The following PSMD14 variants were observed in gnomAD, a reference collection of about 807,000 sequenced individuals.
PSMD14 encodes the protein proteasome 26S subunit, non-ATPase 14, also known as ubiquitin C-terminal hydrolase PSMD14.
Under a neutral mutation model 41.2 loss-of-function variants are expected in PSMD14, and 7 were observed. That is an observed-to-expected ratio of 0.17 (90% CI 0.10 to 0.32). PSMD14 has a LOEUF of 0.32. PSMD14 is among the 10% of genes least tolerant of loss of function. The pLI is 1.00. For synonymous variants in PSMD14, 114 were observed against 122.3 expected (o/e 0.93, Z 0.45); for missense variants, 139 against 375.6 (o/e 0.37, Z 5.21).
At chr2:161,367,613 T>G in intron 4 of PSMD14, 64 bp downstream of exon 4, 5 of 1,461,814 alleles carry the variant, frequency 3.4e-6, no homozygotes, top group Non-Finnish European at 4.7e-6. Context: ...TCTTTTACTT[T>G]GGAATATTTG....
intron 3 of PSMD14, among the ~76,000 whole-genome samples, chr2:161,355,635 T>C (rs562124456): frequency 6.6e-6 from 1 of 152,318 alleles, no homozygotes; most frequent in South Asian, 2.1e-4. Flanking sequence ...TTGGACTTTT[T>C]TGGCAACCAA....
At position 161,373,710 on chromosome 2, in the gene PSMD14, C is replaced by A. The variant is rs189996268; in HGVS notation, c.462+2388C>A. ...AAATGATTTAAGTTGGGTCTCTGTT[C>A]GCTTTTTATAAAACCACTTTCTTGA... On this transcript the variant is annotated intron_variant, in intron 7 of 11. Coordinates refer to ENST00000409682, the MANE Select transcript of PSMD14 (RefSeq NM_005805.6). Among the ~76,000 whole-genome samples, 5 of 151,898 alleles carry A rather than the reference C, an allele frequency of 3.3e-5. No homozygotes were observed. In the East Asian group the frequency reaches 7.7e-4, roughly 24 times the overall value.
intron 10 of PSMD14, 43 bp from the exon 11 acceptor site, chr2:161,408,793 AG>A: frequency 6.8e-7 from 1 of 1,462,372 alleles, no homozygotes; most frequent in South Asian, 1.2e-5. Context: ...GTGGGAATAG[AG>A]GATTTATAAT....
intron 6 of PSMD14, 48 bp from the exon 7 acceptor site, chr2:161,371,124 T>C: frequency 6.4e-7 from 1 of 1,569,574 alleles, no homozygotes; most frequent in Non-Finnish European, 8.7e-7. Flanking sequence ...ATATCATAAA[T>C]GTATTACTTG....
intron 3 of PSMD14, among the ~76,000 whole-genome samples, chr2:161,358,515 C>G (rs1683237959): frequency 6.6e-6 from 1 of 152,178 alleles, no homozygotes; most frequent in Non-Finnish European, 1.5e-5. Context: ...CGCTAGGTAG[C>G]TCCTCCCAAT....
intron 3 of PSMD14, among the ~76,000 whole-genome samples, chr2:161,359,520 G>T (rs1028533149): frequency 6.6e-6 from 1 of 151,556 alleles, no homozygotes; most frequent in Admixed American, 6.6e-5. Flanking sequence ...AATTGGACTT[G>T]GAAAAAGGCA....
At chr2:161,378,956 C>T (rs1051738165) in intron 7 of PSMD14, among the ~76,000 whole-genome samples, 1 of 151,886 alleles carries the variant, frequency 6.6e-6, no homozygotes, top group Non-Finnish European at 1.5e-5. Flanking sequence ...ATGCCTTTGC[C>T]TATTGAGAGA....
At chr2:161,318,015 T>G (rs543282359) in intron 2 of PSMD14, among the ~76,000 whole-genome samples, 62 of 152,306 alleles carry the variant, frequency 4.1e-4, no homozygotes, top group African/African-American at 1.4e-3. Context: ...TAACTTCTTC[T>G]GTGAGGTTTT....
At chr2:161,340,978 C>G (rs1682947207) in intron 3 of PSMD14, 1 of 1,612,588 alleles carries the variant, frequency 6.2e-7, no homozygotes, top group South Asian at 1.1e-5. Context: ...AAGTCCTGCT[C>G]CTCTTCCTGC....
intron 3 of PSMD14, among the ~76,000 whole-genome samples, chr2:161,364,915 G>T (rs1478819744): frequency 6.6e-6 from 1 of 151,962 alleles, no homozygotes; most frequent in African/African-American, 2.4e-5. Context: ...ACCAGCCTGG[G>T]CAACACAGGG....
intron 10 of PSMD14, among the ~76,000 whole-genome samples, chr2:161,405,586 GGTA>G (rs755245152): frequency 5.3e-5 from 8 of 152,068 alleles, no homozygotes; most frequent in African/African-American, 1.2e-4. Context: ...AATTAGTGAT[GGTA>G]GTAGAAAAAC....
intron 3 of PSMD14, among the ~76,000 whole-genome samples, chr2:161,353,187 C>T (rs1320690588): frequency 6.6e-6 from 1 of 152,108 alleles, no homozygotes; most frequent in Non-Finnish European, 1.5e-5. Context: ...GTCCTTAAGA[C>T]TTAATATTTT....
At chr2:161,323,652 G>C (rs890517433) in intron 3 of PSMD14, among the ~76,000 whole-genome samples, 4 of 150,718 alleles carry the variant, frequency 2.7e-5, no homozygotes, top group African/African-American at 9.7e-5. Context: ...GACAGAGTGA[G>C]ACTATGTCTC....
intron 7 of PSMD14, among the ~76,000 whole-genome samples, chr2:161,372,089 T>C (rs1159682580): frequency 6.6e-6 from 1 of 151,992 alleles, no homozygotes; most frequent in African/African-American, 2.4e-5. Context: ...TGAGAGGCAA[T>C]TCGATTTTGC....
intron 3 of PSMD14, among the ~76,000 whole-genome samples, chr2:161,364,148 ACT>A (rs1007564045): frequency 2.0e-5 from 3 of 151,700 alleles, no homozygotes; most frequent in Non-Finnish European, 2.9e-5. Flanking sequence ...CCCTGGCCAG[ACT>A]CTGCTTCATT....
At chr2:161,325,116 T>C (rs1346333077) in intron 3 of PSMD14, among the ~76,000 whole-genome samples, 3 of 152,136 alleles carry the variant, frequency 2.0e-5, no homozygotes, top group African/African-American at 4.8e-5. Flanking sequence ...GATTTCACAA[T>C]GTGTAGGCCA....
chr2:161,378,525 A>G (rs993188011), intron 7 of PSMD14, among the ~76,000 whole-genome samples: 3 of 151,862 alleles, frequency 2.0e-5, no homozygotes, highest in South Asian at 2.1e-4. Context: ...TTCAATAGAT[A>G]TTTATTTTGC....
intron 3 of PSMD14, among the ~76,000 whole-genome samples, chr2:161,366,003 T>G (rs1489999404): frequency 6.6e-6 from 1 of 152,182 alleles, no homozygotes; most frequent in Non-Finnish European, 1.5e-5. Context: ...TTCCTTAATC[T>G]TTCTTAACTT....
intron 3 of PSMD14, among the ~76,000 whole-genome samples, chr2:161,339,597 G>C (rs896526249): frequency 2.0e-5 from 3 of 151,850 alleles, no homozygotes; most frequent in Non-Finnish European, 4.4e-5. Context: ...CATGAGGTGT[G>C]GTGCCTATAA....
Sources: allele counts gnomAD v4.1 joint callset (sites outside exome capture counted in the v4.1 genomes callset), GRCh38; gene constraint gnomAD v4.1.1; transcripts MANE v1.5; gene names NCBI Gene and HGNC (gene_info 2026-07-23, HGNC 2026-07-21).